Variants in CARS1 observed in about 807,000 individuals in gnomAD.
CARS1 encodes the protein cysteinyl-tRNA synthetase 1.
A neutral mutation model predicts 106.2 loss-of-function variants in CARS1; 48 were observed. That is an observed-to-expected ratio of 0.45 (90% CI 0.36 to 0.57). The LOEUF is 0.57. Ranked by LOEUF, CARS1 falls within the 20% of genes least tolerant of loss-of-function variation. CARS1 has a pLI of 0.00. For missense variants in CARS1, 968 were observed against 1,057.2 expected, an observed-to-expected ratio of 0.92 and a Z score of 1.17; for synonymous variants, 409 against 403.4, an observed-to-expected ratio of 1.01 and a Z score of -0.17.
chr11:3,042,428 G>A lies in CARS1; in HGVS notation c.275-172C>T, dbSNP rs143575122. 515 of 562,418 alleles carry A rather than the reference G, an allele frequency of 9.2e-4. 2 individuals are homozygous for A. Among genetic ancestry groups the A allele is most frequent in the African/African-American group, 7.4e-3 (386 of 51,946 alleles). The allele number at this position is 562,418 out of a possible 1,614,324, so 34.8% of individuals were successfully genotyped here. A position where few individuals can be genotyped will look rare whatever the true frequency, so the allele number is the denominator to read the frequency against. ...CATTACGCAGGTCAAAGACAACTGC[G>A]TCTTTTTTTTTTTTTAGACGGAGTC... On this transcript the variant is annotated intron_variant, in intron 2 of 22. Transcript: ENST00000380525.
chr11:3,019,071 A>T lies in CARS1; in HGVS notation c.1395+68T>A. 1 of 1,473,666 alleles carries T rather than the reference A, an allele frequency of 6.8e-7. No homozygotes were observed. The highest frequency in any genetic ancestry group is 9.0e-7 in the Non-Finnish European group (1 of 1,109,376). The allele number at this position is 1,473,666 out of a possible 1,614,324, so 91.3% of individuals were successfully genotyped here. ...AGAGGCCCTTCTGAGGCCTGGGCTG[A>T]CTTTTCCTCCACTGCAGTATGAACA... On this transcript the variant is annotated intron_variant, in intron 12 of 22. Coordinates refer to ENST00000380525, the MANE Select transcript of CARS1 (RefSeq NM_001014437.3). The surrounding 1 kb of genome is among the most constrained non-coding windows in gnomAD (Gnocchi z 6.2).
At chr11:3,035,862 C>T (rs1853546908) in intron 7 of CARS1, among the ~76,000 whole-genome samples, 3 of 152,216 alleles carry the variant, frequency 2.0e-5, no homozygotes, top group Non-Finnish European at 4.4e-5. Flanking sequence ...CTGAGAAAGG[C>T]CTGCCTACAG....
Position 3,002,001 on chromosome 11 carries a change from T to C in CARS1, c.2330A>G (p.Glu777Gly). 1 of 1,613,900 alleles carries C rather than the reference T, an allele frequency of 6.2e-7. No homozygotes were observed. The highest frequency in any genetic ancestry group is 8.5e-7 in the Non-Finnish European group (1 of 1,179,880). ...ATCAAACTTGGAGTATTTGTCGGTT[T>C]CTGACAAGAACATCTCACTGGGGGG... The part of the protein sequence containing the change: ...KIPPSEMFLS[E>G]TDKYSKFDEN... Residue 777 changes from glutamate to glycine, a missense_variant, in exon 22 of 23, where the codon GAA becomes GGA. Glu to Gly is a moderately conservative substitution (Grantham distance 98). Coordinates refer to ENST00000380525, the MANE Select transcript of CARS1 (RefSeq NM_001014437.3).
intron 7 of CARS1, chr11:3,031,120 T>A (rs898037899): frequency 6.6e-6 from 1 of 152,136 alleles, no homozygotes; most frequent in African/African-American, 2.4e-5. Flanking sequence ...TCAAAACCCA[T>A]GCAACAATCC....
chr11:3,052,272 G>C lies in CARS1; in HGVS notation c.26-4271C>G, dbSNP rs909569077. Among the ~76,000 whole-genome samples, 3 of 152,230 alleles carry C rather than the reference G, an allele frequency of 2.0e-5. No homozygotes were observed. The highest frequency in any genetic ancestry group is 4.8e-5 in the African/African-American group (2 of 41,540). On this transcript the variant is annotated intron_variant, in intron 1 of 22. Coordinates refer to ENST00000380525, the MANE Select transcript of CARS1 (RefSeq NM_001014437.3). The surrounding 1 kb of genome is among the most constrained non-coding windows in gnomAD (Gnocchi z 4.6). Reference sequence around the variant, plus strand: ...CACACACACGGCGGCATTTCCTCACGGTAAAACACGCTCATAACATCAGCC... The same window carrying C: ...CACACACACGGCGGCATTTCCTCACCGTAAAACACGCTCATAACATCAGCC...
rs1212815339 is a variant in CARS1, at chr11:3,046,516, G to T, written c.274+1237C>A. Among the ~76,000 whole-genome samples the T allele has an allele frequency of 2.0e-5, 3 of 152,214 alleles. No homozygotes were observed. The highest frequency in any genetic ancestry group is 4.4e-5 in the Non-Finnish European group (3 of 68,044). ...GCAACGGCCTCTGCCCTACGCTGGG[G>T]AAGGAGTGTCTGCTGCAGAGTTATC... On this transcript the variant is annotated intron_variant, in intron 2 of 22. Coordinates refer to ENST00000380525, the MANE Select transcript of CARS1 (RefSeq NM_001014437.3). The surrounding 1 kb of genome is among the most constrained non-coding windows in gnomAD (Gnocchi z 5.8).
rs187726455 is a variant in CARS1 at position 3,011,252 on chromosome 11, C to T, written c.2068+943G>A. 3.3e-5 allele frequency among the ~76,000 whole-genome samples: 5 copies of T among 152,322 alleles called. No individual in the cohort carries two copies. In the East Asian group the frequency reaches 7.7e-4, roughly 23 times the overall value. ...ACTTTCTTAAAACTGGCAGTCAAAA[C>T]GAATGCTCAGATTCAGCACTTTCTA... On this transcript the variant is annotated intron_variant, in intron 18 of 22. Coordinates refer to ENST00000380525, the MANE Select transcript of CARS1 (RefSeq NM_001014437.3).
At position 3,041,065 on chromosome 11, in the gene CARS1, C is replaced by T; in HGVS notation, c.367-81G>A. 6.2e-7 allele frequency: 1 copy of T among 1,608,966 alleles called. No homozygotes were observed. Among genetic ancestry groups the T allele is most frequent in the Non-Finnish European group, 8.5e-7 (1 of 1,176,942 alleles). On this transcript the variant is annotated intron_variant, in intron 3 of 22. Transcript: ENST00000380525. The surrounding 1 kb of genome is among the most constrained non-coding windows in gnomAD (Gnocchi z 4.9). ...GATTACCAAAAACAGCAACAAACAT[C>T]ACAGTGTGGTTTGTGTTTAGTGTAA...
At position 3,045,149 on chromosome 11, in the gene CARS1, C is replaced by A. The variant is rs76302514; in HGVS notation, c.274+2604G>T. On this transcript the variant is annotated intron_variant, in intron 2 of 22. Transcript: ENST00000380525. This position sits in a 1 kb window ranked among gnomAD's most constrained non-coding sequence, Gnocchi z 5.6. ...AGAAGTGCTCAACAAGTTCAACGTC[C>A]TGATATCCAGTGGACCTCCGTGCTG... Among the ~76,000 whole-genome samples, 2,236 of 152,246 alleles carry A rather than the reference C, an allele frequency of 0.015. 54 individuals carry two copies. The highest frequency in any genetic ancestry group is 0.051 in the African/African-American group (2,108 of 41,550).
Position 3,052,320 on chromosome 11 carries a change from G to A in CARS1, c.26-4319C>T, listed in dbSNP as rs1041925218. Among the ~76,000 whole-genome samples, 5 of 152,166 alleles carry A rather than the reference G, an allele frequency of 3.3e-5. No individual in the cohort carries two copies. Among genetic ancestry groups the A allele is most frequent in the African/African-American group, 1.2e-4 (5 of 41,440 alleles). On this transcript the variant is annotated intron_variant, in intron 1 of 22. Coordinates refer to ENST00000380525, the MANE Select transcript of CARS1 (RefSeq NM_001014437.3). The surrounding 1 kb of genome is among the most constrained non-coding windows in gnomAD (Gnocchi z 4.6). ...GCCCTGTAAAGCTGCAGGCCATTAA[G>A]TCAAATGACACTTGTAAAATGTTTA...
rs757745182 is a variant in CARS1, at chr11:3,029,308, G to A, written c.937C>T (p.Leu313=). Residue 313 remains leucine (L), a synonymous_variant, in exon 8 of 23, where the codon CTG becomes TTG. Transcript: ENST00000380525. The surrounding 1 kb of genome is among the most constrained non-coding windows in gnomAD (Gnocchi z 5.9). ...EGDFHRDMEA[L]NVLPPDVLTR... ...AAGACAATCGTGACACTTACATTCAGAGCTTCCATGTCTCTGTGGAAGTCC... is the reference window on the plus strand; with the variant it reads ...AAGACAATCGTGACACTTACATTCAAAGCTTCCATGTCTCTGTGGAAGTCC... 1.2e-5 allele frequency: 20 copies of A among 1,613,972 alleles called. No homozygotes were observed.
chr11:3,042,348 G>T, intron 2 of CARS1, 92 bp from the exon 3 acceptor site: 3 of 807,002 alleles, frequency 3.7e-6, no homozygotes, highest in Non-Finnish European at 6.1e-6. Flanking sequence ...TTTACAACGG[G>T]ACCATAGTTT....
Position 3,019,099 on chromosome 11 carries a change from G to T in CARS1, c.1395+40C>A. 1 of 1,495,516 alleles carries T rather than the reference G, an allele frequency of 6.7e-7. No homozygotes were observed. Among genetic ancestry groups the T allele is most frequent in the Non-Finnish European group, 8.9e-7 (1 of 1,124,288 alleles). The allele number at this position is 1,495,516 out of a possible 1,614,324, so 92.6% of individuals were successfully genotyped here. ...TTTCCTCCACTGCAGTATGAACACT[G>T]TGCTCTTGCACCTGACAAGGGGACT... On this transcript the variant is annotated intron_variant, in intron 12 of 22. Transcript: ENST00000380525. This position sits in a 1 kb window ranked among gnomAD's most constrained non-coding sequence, Gnocchi z 6.2.
intron 17 of CARS1, among the ~76,000 whole-genome samples, chr11:3,012,738 G>A (rs1850604127): frequency 6.6e-6 from 1 of 152,128 alleles, no homozygotes; most frequent in African/African-American, 2.4e-5. Context: ...TCTGATCTGT[G>A]GTCACACATA....
intron 2 of CARS1, among the ~76,000 whole-genome samples, chr11:3,047,315 C>T (rs1385362852): frequency 6.7e-6 from 1 of 149,838 alleles, no homozygotes; most frequent in African/African-American, 2.4e-5. Flanking sequence ...CCAATTAATA[C>T]TTTAGGATTC....
At chr11:3,054,728 C>A (rs1458912766) in intron 1 of CARS1, 1 of 615,046 alleles carries the variant, frequency 1.6e-6, no homozygotes, top group African/African-American at 1.8e-5. Context: ...GGATCTTCCT[C>A]AAAGGGGTTC....
In CARS1 at chr11:3,053,599, G is replaced by A. The variant is rs1429977954; in HGVS notation, c.25+3744C>T. 6.6e-6 allele frequency among the ~76,000 whole-genome samples: 1 copy of A among 152,106 alleles called. No individual in the cohort carries two copies. The highest frequency in any genetic ancestry group is 1.5e-5 in the Non-Finnish European group (1 of 68,032). On this transcript the variant is annotated intron_variant, in intron 1 of 22. Transcript: ENST00000380525. This position sits in a 1 kb window ranked among gnomAD's most constrained non-coding sequence, Gnocchi z 6.6. ...CCTGCGTTCCCTTGAGGCTCTCCCA[G>A]GTCCACTCCAGGCATGGCCCTGGTG...
rs535204333 is a variant in CARS1 at position 3,015,738 on chromosome 11, G to T, written c.1986+43C>A. 217 of 1,549,706 alleles carry T rather than the reference G, an allele frequency of 1.4e-4. 2 individuals are homozygous for T. In the South Asian group the frequency reaches 2.3e-3, roughly 16 times the overall value. ...AGGGACACAGAGGGGTAGGGAGTGG[G>T]GAGGGAGCAGGTGCAGAAGGCAGGA... On this transcript the variant is annotated intron_variant, in intron 17 of 22. Coordinates refer to ENST00000380525, the MANE Select transcript of CARS1 (RefSeq NM_001014437.3).
In CARS1 at chr11:3,008,617, CA is replaced by C. The variant is rs1336120849; in HGVS notation, c.2069-1659del. 328 of 109,246 alleles carry C rather than the reference CA, an allele frequency of 3.0e-3. No homozygotes were observed. Among genetic ancestry groups the C allele is most frequent in the Admixed American group, 3.6e-3 (36 of 9,984 alleles). 6.8% of individuals were successfully genotyped at this position (109,246 alleles called of 1,614,324 possible). On this transcript the variant is annotated intron_variant, in intron 18 of 22. Coordinates refer to ENST00000380525, the MANE Select transcript of CARS1 (RefSeq NM_001014437.3). The surrounding 1 kb of genome is among the most constrained non-coding windows in gnomAD (Gnocchi z 5.1). Reference sequence around the variant, plus strand: ...CTAGCGACAGGGCAAGACTCCATCTCAAAAAAAAAAAAAAAAAATTGCATAT... The same window carrying C: ...CTAGCGACAGGGCAAGACTCCATCTCAAAAAAAAAAAAAAAAATTGCATAT...
Sources: allele counts gnomAD v4.1 joint callset (sites outside exome capture counted in the v4.1 genomes callset), GRCh38; gene constraint gnomAD v4.1.1; non-coding constraint Gnocchi (gnomAD v3.1); transcripts MANE v1.5; gene names NCBI Gene and HGNC (gene_info 2026-07-23, HGNC 2026-07-21).